Variants in RBM8A observed in about 807,000 individuals in gnomAD.
RBM8A encodes the protein RNA-binding protein 8A.
In RBM8A, 8 loss-of-function variants were observed where a neutral mutation model predicts 25.1. That is an observed-to-expected ratio of 0.32 (90% CI 0.19 to 0.58). The LOEUF is 0.58. RBM8A is among the 20% of genes least tolerant of loss of function. RBM8A has a pLI of 0.88. For missense variants in RBM8A, 114 were observed against 236.8 expected (o/e 0.48, Z 3.40); for synonymous variants, 66 against 80.0 (o/e 0.82, Z 0.94).
rs1647785236 is a variant in RBM8A, at chr1:145,921,596, A to C, written c.*4286T>G. ...GACTTTATTGTCGAATGAGTGTTAA[A>C]ATTGCAAAGAGGCGAGCATCTGAAC... is the stretch of plus-strand genomic sequence containing the variant. On this transcript the variant is annotated 3_prime_UTR_variant, in exon 6 of 6. Coordinates refer to ENST00000583313, the MANE Select transcript of RBM8A (RefSeq NM_005105.5). 1 of 152,338 alleles carries C rather than the reference A, an allele frequency of 6.6e-6. No individual in the cohort carries two copies. The highest frequency in any genetic ancestry group is 2.4e-5 in the African/African-American group (1 of 41,458). 9.4% of individuals were successfully genotyped at this position (152,338 alleles called of 1,614,324 possible). A position where few individuals can be genotyped will look rare whatever the true frequency, so the allele number is the denominator to read the frequency against.
Position 145,926,520 on chromosome 1 carries a change from T to C in RBM8A, c.304A>G (p.Ile102Val). 1 of 1,614,194 alleles carries C rather than the reference T, an allele frequency of 6.2e-7. No homozygotes were observed. The highest frequency in any genetic ancestry group is 8.5e-7 in the Non-Finnish European group (1 of 1,180,048). Reference protein sequence around the residue: ...KFAEYGEIKNIHLNLDRRTGY... With the variant: ...KFAEYGEIKNVHLNLDRRTGY... Reference sequence around the variant, plus strand: ...GTTCGCCTGTCGAGGTTGAGATGAATGTTTTTAATTTCCCCATATTCTGCG... The same window carrying C: ...GTTCGCCTGTCGAGGTTGAGATGAACGTTTTTAATTTCCCCATATTCTGCG... Residue 102 changes from isoleucine (I) to valine (V), a missense_variant, in exon 4 of 6, where the codon ATT (isoleucine) becomes GTT (valine). Transcript: ENST00000583313.
Position 145,927,429 on chromosome 1 carries a change from C to A in RBM8A, c.-3G>T. 1 of 1,609,530 alleles carries A rather than the reference C, an allele frequency of 6.2e-7. No homozygotes were observed. Among genetic ancestry groups the A allele is most frequent in the Non-Finnish European group, 8.5e-7 (1 of 1,178,120 alleles). ...TGAAGATCTAGCACGTCCGCCATCT[C>A]GCCTTCGATCGAGATCTCGTCTGTG... is the stretch of plus-strand genomic sequence containing the variant. On this transcript the variant is annotated 5_prime_UTR_variant, in exon 1 of 6. Transcript: ENST00000583313.
Position 145,927,189 on chromosome 1 carries a change from C to T in RBM8A, c.68-112G>A. The T allele has an allele frequency of 2.7e-6, 4 of 1,487,326 alleles. No homozygotes were observed. In the South Asian group the frequency reaches 4.7e-5, roughly 17 times the overall value. 92.1% of individuals were successfully genotyped at this position (1,487,326 alleles called of 1,614,324 possible). ...ACCCACACCGCCTCCAGTCTTAGTG[C>T]CTTCCCGGTCACGCCCTCCCTTCTC... On this transcript the variant is annotated intron_variant, in intron 1 of 5. Transcript: ENST00000583313.
At position 145,924,705 on chromosome 1, in the gene RBM8A, C is replaced by T. The variant is rs1359532501; in HGVS notation, c.*1177G>A. On this transcript the variant is annotated 3_prime_UTR_variant, in exon 6 of 6. Coordinates refer to ENST00000583313, the MANE Select transcript of RBM8A (RefSeq NM_005105.5). ...GGAAAACGGTTTGCAACATTCTCCT[C>T]CTTGTAGGAGGCGAGCTCTGTCTCA... 1 of 370,446 alleles carries T rather than the reference C, an allele frequency of 2.7e-6. No individual in the cohort carries two copies. The highest frequency in any genetic ancestry group is 5.4e-6 in the Non-Finnish European group (1 of 185,526). The allele number at this position is 370,446 out of a possible 1,614,324, so 22.9% of individuals were successfully genotyped here.
At position 145,925,798 on chromosome 1, in the gene RBM8A, G is replaced by A. The variant is rs1648118288; in HGVS notation, c.*84C>T. On this transcript the variant is annotated 3_prime_UTR_variant, in exon 6 of 6. Transcript: ENST00000583313. Reference sequence around the variant, plus strand: ...CGGTAAGAGATTAAATATAAACACAGCAAGTTCCACCCCAGTCCTATTTGT... The same window carrying A: ...CGGTAAGAGATTAAATATAAACACAACAAGTTCCACCCCAGTCCTATTTGT... 1.4e-6 allele frequency: 2 copies of A among 1,432,788 alleles called. No homozygotes were observed. The highest frequency in any genetic ancestry group is 2.0e-6 in the Non-Finnish European group (2 of 1,019,410). 88.8% of individuals were successfully genotyped at this position (1,432,788 alleles called of 1,614,324 possible). A position where few individuals can be genotyped will look rare whatever the true frequency, so the allele number is the denominator to read the frequency against.
chr1:145,923,906 A>G lies in RBM8A; in HGVS notation c.*1976T>C. The G allele has an allele frequency of 1.7e-6, 1 of 588,200 alleles. No homozygotes were observed. The highest frequency in any genetic ancestry group is 2.1e-5 in the South Asian group (1 of 47,240). 36.4% of individuals were successfully genotyped at this position (588,200 alleles called of 1,614,324 possible). A position where few individuals can be genotyped will look rare whatever the true frequency, so the allele number is the denominator to read the frequency against. ...GCAATGTTAGAATAGTACTTGAGAA[A>G]GCAGGATTGTTTTAAGTTCCAAGAT... On this transcript the variant is annotated 3_prime_UTR_variant, in exon 6 of 6. Transcript: ENST00000583313.
At position 145,925,779 on chromosome 1, in the gene RBM8A, G is replaced by A. The variant is rs1198849923; in HGVS notation, c.*103C>T. 2 of 1,341,856 alleles carry A rather than the reference G, an allele frequency of 1.5e-6. No individual in the cohort carries two copies. Among genetic ancestry groups the A allele is most frequent in the African/African-American group, 2.9e-5 (2 of 68,690 alleles). 83.1% of individuals were successfully genotyped at this position (1,341,856 alleles called of 1,614,324 possible). A position where few individuals can be genotyped will look rare whatever the true frequency, so the allele number is the denominator to read the frequency against. On this transcript the variant is annotated 3_prime_UTR_variant, in exon 6 of 6. Coordinates refer to ENST00000583313, the MANE Select transcript of RBM8A (RefSeq NM_005105.5). Reference sequence around the variant, plus strand: ...CTCAAATACTACGCATATACGGTAAGAGATTAAATATAAACACAGCAAGTT... The same window carrying A: ...CTCAAATACTACGCATATACGGTAAAAGATTAAATATAAACACAGCAAGTT...
At position 145,926,836 on chromosome 1, in the gene RBM8A, C is replaced by T. The variant is rs1559231816; in HGVS notation, c.178G>A (p.Asp60Asn). 6.2e-7 allele frequency: 1 copy of T among 1,614,146 alleles called. No individual in the cohort carries two copies. Among genetic ancestry groups the T allele is most frequent in the Non-Finnish European group, 8.5e-7 (1 of 1,180,026 alleles). ...CGTTGTGGTCCGGGTTCATCGCCAT[C>T]CTGCTCCACGCTGTCATAATCCTCA... The part of the protein sequence containing the change: ...MREDYDSVEQ[D>N]GDEPGPQRSV... The change falls in exon 3 of 6, where the codon GAT becomes AAT. Residue 60 changes from aspartate to asparagine, a missense_variant. By Grantham distance (23) the Asp-to-Asn change is conservative (BLOSUM62 1). This residue lies in a region of RBM8A where 102 missense variants were observed against 182.7 expected (regional missense o/e 0.56). Coordinates refer to ENST00000583313, the MANE Select transcript of RBM8A (RefSeq NM_005105.5).
In RBM8A at chr1:145,926,740, T is replaced by C. The variant is rs1321993528; in HGVS notation, c.205+69A>G. 6.2e-6 allele frequency: 10 copies of C among 1,613,764 alleles called. No individual in the cohort carries two copies. The Admixed American group carries it at 1.7e-4, about 27-fold the overall frequency. On this transcript the variant is annotated intron_variant, in intron 3 of 5. Transcript: ENST00000583313. ...ATCTCTGAACCCATTCCTACTGCGT[T>C]TAACTATTTTATTGGTTTCTAACTA...
rs1647819216 is a variant in RBM8A at position 145,922,186 on chromosome 1, T to C, written c.*3696A>G. ...CTGCAGTGAGCCAAGACTGCACCAC[T>C]GCACTCCGGCGTGGGCGGCAGAGCC... On this transcript the variant is annotated 3_prime_UTR_variant, in exon 6 of 6. Coordinates refer to ENST00000583313, the MANE Select transcript of RBM8A (RefSeq NM_005105.5). The C allele has an allele frequency of 8.0e-6, 1 of 125,716 alleles. No individual in the cohort carries two copies. Among genetic ancestry groups the C allele is most frequent in the Non-Finnish European group, 1.6e-5 (1 of 62,878 alleles). 7.8% of individuals were successfully genotyped at this position (125,716 alleles called of 1,614,324 possible).
In RBM8A at chr1:145,926,477, G is replaced by A. The variant is rs782496575; in HGVS notation, c.342+5C>T. ...AAGGAGGCAATAAAGTGTCACTTAG[G>A]ATACCTTCAGATATCCTGTTCGCCT... On this transcript the variant is annotated splice_donor_5th_base_variant and intron_variant, in intron 4 of 5. Transcript: ENST00000583313. The A allele has an allele frequency of 1.2e-5, 20 of 1,613,780 alleles. No homozygotes were observed. The highest frequency in any genetic ancestry group is 1.7e-5 in the Admixed American group (1 of 59,928).
rs115417561 is a variant in RBM8A, at chr1:145,926,792, G to T, written c.205+17C>A. On this transcript the variant is annotated intron_variant, in intron 3 of 5. Transcript: ENST00000583313. ...TACCACAGACACGGATACCTCACAGGTTCCATTATTACTCACAGCGTTGTG... is the reference window on the plus strand; with the variant it reads ...TACCACAGACACGGATACCTCACAGTTTCCATTATTACTCACAGCGTTGTG... 2,223 of 1,614,006 alleles carry T rather than the reference G, an allele frequency of 1.4e-3. 15 individuals carry two copies. In the African/African-American group the frequency reaches 0.014, roughly 10 times the overall value.
chr1:145,926,631 G>A lies in RBM8A; in HGVS notation c.206-13C>T, dbSNP rs1350809730. ...CAGCCTTCAACAGCTGTTGGGGGAC[G>A]GGGGGAAGTTGTATGAGTACATGAG... is the stretch of plus-strand genomic sequence containing the variant. On this transcript the variant is annotated splice_polypyrimidine_tract_variant and intron_variant, in intron 3 of 5. Coordinates refer to ENST00000583313, the MANE Select transcript of RBM8A (RefSeq NM_005105.5). The A allele has an allele frequency of 1.9e-6, 3 of 1,613,410 alleles. No individual in the cohort carries two copies. The highest frequency in any genetic ancestry group is 1.7e-5 in the Admixed American group (1 of 59,942).
At position 145,925,756 on chromosome 1, in the gene RBM8A, C is replaced by T; in HGVS notation, c.*126G>A. On this transcript the variant is annotated 3_prime_UTR_variant, in exon 6 of 6. Transcript: ENST00000583313. ...AAAAATGGAACATTTATTCGCAACT[C>T]AAATACTACGCATATACGGTAAGAG... is the stretch of plus-strand genomic sequence containing the variant. The T allele has an allele frequency of 1.8e-6, 2 of 1,114,828 alleles. No individual in the cohort carries two copies. The highest frequency in any genetic ancestry group is 2.4e-5 in the East Asian group (1 of 40,964). The allele number at this position is 1,114,828 out of a possible 1,614,324, so 69.1% of individuals were successfully genotyped here. A position where few individuals can be genotyped will look rare whatever the true frequency, so the allele number is the denominator to read the frequency against.
chr1:145,926,695 G>A (rs1648179849), intron 3 of RBM8A, 77 bp from the exon 4 acceptor site: 3 of 1,612,140 alleles, frequency 1.9e-6, no homozygotes, highest in East Asian at 2.2e-5. Flanking sequence ...GAGTGAGTGC[G>A]GACTCAGATT....
intron 5 of RBM8A, 54 bp from the exon 6 acceptor site, chr1:145,925,981 C>T: frequency 6.2e-7 from 1 of 1,614,154 alleles, no homozygotes; most frequent in South Asian, 1.1e-5. Context: ...AATACTAAGT[C>T]CTCATTCTGT....
chr1:145,926,372 A>G, intron 4 of RBM8A, 110 bp downstream of exon 4: 1 of 1,503,834 alleles, frequency 6.6e-7, no homozygotes, highest in Non-Finnish European at 9.0e-7. Context: ...TAGATTTCCA[A>G]TGTCATTTTA....
chr1:145,926,988 G>A (rs1648196778), intron 2 of RBM8A, 30 bp downstream of exon 2: 3 of 1,613,898 alleles, frequency 1.9e-6, no homozygotes, highest in Non-Finnish European at 2.5e-6. Context: ...GCCCTACTAG[G>A]CCACTCTACC....
Position 145,924,768 on chromosome 1 carries a change from A to C in RBM8A, c.*1114T>G. On this transcript the variant is annotated 3_prime_UTR_variant, in exon 6 of 6. Coordinates refer to ENST00000583313, the MANE Select transcript of RBM8A (RefSeq NM_005105.5). ...CTCCATCAATTCACCCTATACTCAGATCAGAAGCTGAGTGTCTGAATTACA... is the reference window on the plus strand; with the variant it reads ...CTCCATCAATTCACCCTATACTCAGCTCAGAAGCTGAGTGTCTGAATTACA... The C allele has an allele frequency of 2.7e-6, 1 of 371,086 alleles. No homozygotes were observed. The highest frequency in any genetic ancestry group is 2.0e-5 in the South Asian group (1 of 50,082). 23.0% of individuals were successfully genotyped at this position (371,086 alleles called of 1,614,324 possible).
Sources: gnomAD v4.1 joint callset for allele counts on GRCh38, gnomAD v4.1.1 for gene constraint, gnomAD v4.1.1 regional missense constraint, MANE v1.5 for transcripts, NCBI Gene and HGNC (gene_info 2026-07-23, HGNC 2026-07-21) for gene names.